The following MICU2 variants were observed in gnomAD, a reference collection of about 807,000 sequenced individuals.
MICU2 encodes the protein mitochondrial calcium uptake 2, also known as calcium uptake protein 2, mitochondrial.
Under a neutral mutation model 60.4 loss-of-function variants are expected in MICU2, and 64 were observed. That is an observed-to-expected ratio of 1.06 (90% CI 0.87 to 1.31). MICU2 has a LOEUF of 1.31. Among genes scored for constraint, MICU2 ranks in the 50% most tolerant of loss-of-function variants. MICU2 has a pLI of 0.00. For synonymous variants in MICU2, 201 were observed against 175.0 expected (o/e 1.15, Z -1.17); for missense variants, 569 against 531.0 (o/e 1.07, Z -0.70).
At chr13:21,595,074 TAAAAAG>T (rs578243661) in intron 1 of MICU2, among the ~76,000 whole-genome samples, 142 of 152,180 alleles carry the variant, frequency 9.3e-4, no homozygotes, top group African/African-American at 3.4e-3. Context: ...ACCAGAAACT[TAAAAAG>T]AAAAAAGAAA....
intron 4 of MICU2, among the ~76,000 whole-genome samples, chr13:21,536,854 G>A (rs1341031439): frequency 2.6e-5 from 4 of 152,198 alleles, no homozygotes; most frequent in African/African-American, 9.6e-5. Context: ...CCATCTCTCA[G>A]ATCCTTGATA....
At chr13:21,563,563 G>A (rs1887902626) in intron 2 of MICU2, among the ~76,000 whole-genome samples, 1 of 151,676 alleles carries the variant, frequency 6.6e-6, no homozygotes, top group Admixed American at 6.6e-5. Flanking sequence ...CTTGACATTT[G>A]TTAATAATTT....
intron 2 of MICU2, among the ~76,000 whole-genome samples, chr13:21,542,037 A>T (rs1887295485): frequency 6.8e-6 from 1 of 147,758 alleles, no homozygotes; most frequent in Non-Finnish European, 1.5e-5. Flanking sequence ...TTTTTAGATT[A>T]AAAAAAAAAG....
chr13:21,509,635 A>G (rs1398565949), intron 8 of MICU2, among the ~76,000 whole-genome samples: 1 of 152,252 alleles, frequency 6.6e-6, no homozygotes, highest in Non-Finnish European at 1.5e-5. Flanking sequence ...AGAACTGCCC[A>G]ACCGACTCAA....
chr13:21,535,752 G>C (rs1231699313), intron 4 of MICU2, among the ~76,000 whole-genome samples: 2 of 152,066 alleles, frequency 1.3e-5, no homozygotes, highest in African/African-American at 2.4e-5. Flanking sequence ...AATAGAGCTA[G>C]GAATCTAAAC....
At chr13:21,589,765 C>T (rs1379855750) in intron 1 of MICU2, among the ~76,000 whole-genome samples, 3 of 142,678 alleles carry the variant, frequency 2.1e-5, no homozygotes, top group African/African-American at 7.5e-5. Flanking sequence ...AACCATTTTT[C>T]CCACCAAACC....
intron 2 of MICU2, among the ~76,000 whole-genome samples, chr13:21,549,589 T>A (rs1774750816): frequency 1.3e-5 from 2 of 151,648 alleles, no homozygotes. Flanking sequence ...CTGGGTTGGC[T>A]GTTCATTTGT....
At chr13:21,521,735 T>C (rs955356654) in intron 5 of MICU2, among the ~76,000 whole-genome samples, 18 of 152,238 alleles carry the variant, frequency 1.2e-4, no homozygotes, top group African/African-American at 4.3e-4. Flanking sequence ...TTTAGACTTA[T>C]GGAAATTTTG....
intron 2 of MICU2, among the ~76,000 whole-genome samples, chr13:21,541,921 ATC>A (rs901809976): frequency 2.6e-5 from 4 of 152,214 alleles, no homozygotes; most frequent in Admixed American, 2.6e-4. Context: ...TTGTAAAAAC[ATC>A]TTTTTAAATT....
At chr13:21,514,223 T>C (rs1886504872) in intron 7 of MICU2, 130 bp downstream of exon 7, 1 of 661,466 alleles carries the variant, frequency 1.5e-6, no homozygotes, top group East Asian at 2.8e-5. Flanking sequence ...AAAAGTTATG[T>C]GGTGCATGAC....
chr13:21,596,021 T>C (rs1356333128), intron 1 of MICU2, among the ~76,000 whole-genome samples: 1 of 152,264 alleles, frequency 6.6e-6, no homozygotes, highest in Non-Finnish European at 1.5e-5. Context: ...CTGATAGAGA[T>C]AAATCCTACC....
At chr13:21,593,771 A>C (rs1888636858) in intron 1 of MICU2, among the ~76,000 whole-genome samples, 1 of 152,164 alleles carries the variant, frequency 6.6e-6, no homozygotes, top group African/African-American at 2.4e-5. Flanking sequence ...GACAAAAACA[A>C]GCAATGGGGA....
intron 1 of MICU2, among the ~76,000 whole-genome samples, chr13:21,589,288 C>G (rs1888522477): frequency 6.6e-6 from 1 of 152,198 alleles, no homozygotes; most frequent in East Asian, 1.9e-4. Context: ...ACTTCCCTCA[C>G]AGCCGTAATG....
At chr13:21,512,244 A>C (rs919152657) in intron 7 of MICU2, among the ~76,000 whole-genome samples, 1 of 152,042 alleles carries the variant, frequency 6.6e-6, no homozygotes, top group Non-Finnish European at 1.5e-5. Flanking sequence ...GTTTTTGCCT[A>C]TTTTCTTTGG....
chr13:21,498,432 G>A (rs377008244), intron 9 of MICU2, among the ~76,000 whole-genome samples: 7 of 126,230 alleles, frequency 5.5e-5, no homozygotes, highest in African/African-American at 2.1e-4. Context: ...AGGCTGAAGC[G>A]CAATGGCGCA....
At chr13:21,530,844 G>A (rs1238866583) in intron 4 of MICU2, 3 of 731,362 alleles carry the variant, frequency 4.1e-6, no homozygotes, top group African/African-American at 1.7e-5. Context: ...TGGACGACGG[G>A]TTTCTGAGCC....
chr13:21,598,747 A>T (rs1219659086), intron 1 of MICU2, among the ~76,000 whole-genome samples: 1 of 152,140 alleles, frequency 6.6e-6, no homozygotes, highest in African/African-American at 2.4e-5. Context: ...ATGGTTCAGA[A>T]AGCTTTACTT....
chr13:21,548,253 A>C (rs980880131), intron 2 of MICU2, among the ~76,000 whole-genome samples: 3 of 152,222 alleles, frequency 2.0e-5, no homozygotes, highest in African/African-American at 7.2e-5. Flanking sequence ...AAATGTGTTA[A>C]TGTTGGTTGT....
chr13:21,557,652 G>C (rs79153120), intron 2 of MICU2, among the ~76,000 whole-genome samples: 1 of 152,298 alleles, frequency 6.6e-6, no homozygotes, highest in East Asian at 1.9e-4. Flanking sequence ...GGGTCAGTGG[G>C]TTGGCCCTGT....
Sources: allele counts gnomAD v4.1 joint callset (sites outside exome capture counted in the v4.1 genomes callset), GRCh38; gene constraint gnomAD v4.1.1; transcripts MANE v1.5; gene names NCBI Gene and HGNC (gene_info 2026-07-23, HGNC 2026-07-21).